Variants in ARMH4 observed in about 807,000 individuals in gnomAD.
ARMH4 encodes the protein armadillo like helical domain containing 4.
ARMH4 carries 49 observed loss-of-function variants against 61.9 expected under a neutral mutation model. The observed-to-expected ratio is 0.79, with a 90% CI of 0.63 to 1.00. The LOEUF (loss-of-function observed/expected upper bound fraction) is 1.00, where lower values mean the gene tolerates loss of function less well. Among genes scored for constraint, ARMH4 ranks in the 50% least tolerant of loss-of-function variants. The pLI is 0.00. For missense variants in ARMH4, 934 were observed against 930.0 expected, an observed-to-expected ratio of 1.00 and a Z score of -0.06; for synonymous variants, 368 against 341.5, an observed-to-expected ratio of 1.08 and a Z score of -0.85.
chr14:58,117,305 C>T (rs1270009514), intron 4 of ARMH4, among the ~76,000 whole-genome samples: 4 of 152,162 alleles, frequency 2.6e-5, no homozygotes, highest in Admixed American at 6.5e-5. Context: ...GCTAATTAGA[C>T]ACCTTAAAGG....
intron 5 of ARMH4, among the ~76,000 whole-genome samples, chr14:58,013,087 T>C (rs1882469148): frequency 6.6e-6 from 1 of 152,180 alleles, no homozygotes; most frequent in Non-Finnish European, 1.5e-5. Flanking sequence ...TAAAAAAAAC[T>C]TTTAAGATTT....
intron 1 of ARMH4, among the ~76,000 whole-genome samples, chr14:58,148,945 C>T (rs1887836592): frequency 6.6e-6 from 1 of 151,884 alleles, no homozygotes; most frequent in African/African-American, 2.4e-5. Flanking sequence ...TGCCAAATAC[C>T]ATCTCACCTT....
intron 1 of ARMH4, among the ~76,000 whole-genome samples, chr14:58,148,325 G>A (rs756175316): frequency 2.6e-5 from 4 of 152,146 alleles, no homozygotes; most frequent in South Asian, 4.1e-4. Context: ...GATTACAGGC[G>A]TGAGCCACCG....
intron 5 of ARMH4, among the ~76,000 whole-genome samples, chr14:58,064,988 A>C (rs1046598626): frequency 6.6e-6 from 1 of 152,218 alleles, no homozygotes; most frequent in Admixed American, 6.5e-5. Flanking sequence ...TTATGCCTGT[A>C]ATCCCAGCAC....
intron 4 of ARMH4, among the ~76,000 whole-genome samples, chr14:58,102,124 C>T (rs1594757765): frequency 1.3e-5 from 2 of 152,150 alleles, no homozygotes; most frequent in Admixed American, 1.3e-4. Context: ...AGCAGGAGAC[C>T]AGCTCTGCAC....
At position 58,027,577 on chromosome 14, in the gene ARMH4, G is replaced by A. The variant is rs186817588; in HGVS notation, c.2090-15427C>T. ...CATATGACTTGGTGGTTTGATATAG[G>A]TAAACATGATCACCACAATCAAACT... On this transcript the variant is annotated intron_variant, in intron 5 of 7. Coordinates refer to ENST00000267485, the MANE Select transcript of ARMH4 (RefSeq NM_001001872.4). Among the ~76,000 whole-genome samples, 5 of 152,202 alleles carry A rather than the reference G, an allele frequency of 3.3e-5. 1 individual carries two copies. In the East Asian group the frequency reaches 9.7e-4, roughly 29 times the overall value.
intron 5 of ARMH4, among the ~76,000 whole-genome samples, chr14:58,016,732 C>A (rs1360537120): frequency 6.6e-6 from 1 of 152,160 alleles, no homozygotes; most frequent in Non-Finnish European, 1.5e-5. Context: ...TGTTATCTTT[C>A]TTGAAATTTT....
intron 5 of ARMH4, among the ~76,000 whole-genome samples, chr14:58,025,651 T>C (rs546134740): frequency 4.6e-5 from 7 of 152,304 alleles, no homozygotes; most frequent in Non-Finnish European, 8.8e-5. Context: ...TTCCAACTTA[T>C]ATAACACATT....
At position 58,121,295 on chromosome 14, in the gene ARMH4, T is replaced by C. The variant is rs546465080; in HGVS notation, c.1831+10217A>G. Among the ~76,000 whole-genome samples, 31 of 152,304 alleles carry C rather than the reference T, an allele frequency of 2.0e-4. No homozygotes were observed. In the South Asian group the frequency reaches 2.5e-3, roughly 12 times the overall value. Reference sequence around the variant, plus strand: ...ATCCTTTCATCATCATGAGCCATTCTGTATAATTTTATGAGTGTCTAAGAT... The same window carrying C: ...ATCCTTTCATCATCATGAGCCATTCCGTATAATTTTATGAGTGTCTAAGAT... On this transcript the variant is annotated intron_variant, in intron 4 of 7. Coordinates refer to ENST00000267485, the MANE Select transcript of ARMH4 (RefSeq NM_001001872.4).
chr14:58,006,998 T>C (rs1882202658), intron 6 of ARMH4, among the ~76,000 whole-genome samples: 1 of 152,186 alleles, frequency 6.6e-6, no homozygotes, highest in Non-Finnish European at 1.5e-5. Flanking sequence ...TACTTAAGGC[T>C]TATAAAAACT....
At chr14:58,141,128 A>G (rs1300245284) in intron 1 of ARMH4, among the ~76,000 whole-genome samples, 1 of 152,224 alleles carries the variant, frequency 6.6e-6, no homozygotes, top group Admixed American at 6.5e-5. Context: ...AAATGGACTA[A>G]GAAAAATGGG....
At chr14:58,150,999 G>A (rs917978444) in intron 1 of ARMH4, among the ~76,000 whole-genome samples, 1 of 152,222 alleles carries the variant, frequency 6.6e-6, no homozygotes, top group African/African-American at 2.4e-5. Context: ...GAGAAGGCAT[G>A]TGAATTCTGA....
intron 4 of ARMH4, among the ~76,000 whole-genome samples, chr14:58,107,233 G>T (rs1244659811): frequency 1.3e-5 from 2 of 152,130 alleles, no homozygotes; most frequent in Non-Finnish European, 2.9e-5. Context: ...TTGAGAATGT[G>T]TCATCCCAAC....
At chr14:58,112,160 C>T (rs539364742) in intron 4 of ARMH4, among the ~76,000 whole-genome samples, 1 of 152,282 alleles carries the variant, frequency 6.6e-6, no homozygotes, top group East Asian at 1.9e-4. Context: ...GTCCATAACA[C>T]TGATAAAGGG....
chr14:58,008,797 CAT>C (rs1489472693), intron 6 of ARMH4, among the ~76,000 whole-genome samples: 1 of 152,156 alleles, frequency 6.6e-6, no homozygotes, highest in African/African-American at 2.4e-5. Context: ...TAGTCCAGAC[CAT>C]ACATTGAGAA....
At chr14:58,130,426 G>C (rs985149418) in intron 4 of ARMH4, among the ~76,000 whole-genome samples, 1 of 152,106 alleles carries the variant, frequency 6.6e-6, no homozygotes, top group African/African-American at 2.4e-5. Flanking sequence ...AAAAATAATA[G>C]CACATCCTAT....
chr14:58,124,677 T>C (rs1466543489), intron 4 of ARMH4, among the ~76,000 whole-genome samples: 1 of 152,200 alleles, frequency 6.6e-6, no homozygotes, highest in African/African-American at 2.4e-5. Context: ...TGTCAACAAG[T>C]AATTGCTCAA....
At chr14:58,026,878 T>G (rs1043314576) in intron 5 of ARMH4, among the ~76,000 whole-genome samples, 1 of 152,196 alleles carries the variant, frequency 6.6e-6, no homozygotes, top group African/African-American at 2.4e-5. Flanking sequence ...ACTGACCAAG[T>G]GGCTGTAGTC....
rs138964708 is a variant in ARMH4 at position 58,000,947 on chromosome 14, T to A, written c.*3789A>T. On this transcript the variant is annotated 3_prime_UTR_variant, in exon 8 of 8. Coordinates refer to ENST00000267485, the MANE Select transcript of ARMH4 (RefSeq NM_001001872.4). Reference sequence around the variant, plus strand: ...GATATTGTTAACTATAGGCACTATGTTATACAGCAGAGCTCTAGAACTTAT... The same window carrying A: ...GATATTGTTAACTATAGGCACTATGATATACAGCAGAGCTCTAGAACTTAT... 2.6e-5 allele frequency: 4 copies of A among 152,322 alleles called. No individual in the cohort carries two copies. The highest frequency in any genetic ancestry group is 9.6e-5 in the African/African-American group (4 of 41,586). The allele number at this position is 152,322 out of a possible 1,614,324, so 9.4% of individuals were successfully genotyped here.
Sources: gnomAD v4.1 joint callset for allele counts (sites outside exome capture counted in the v4.1 genomes callset) on GRCh38, gnomAD v4.1.1 for gene constraint, MANE v1.5 for transcripts, NCBI Gene and HGNC (gene_info 2026-07-23, HGNC 2026-07-21) for gene names.